PTGIS: variants seen among roughly 807,000 people sequenced by gnomAD.
The protein encoded by PTGIS is prostacyclin synthase.
A neutral mutation model predicts 50.3 loss-of-function variants in PTGIS; 45 were observed. The observed-to-expected ratio is 0.90, with a 90% CI of 0.70 to 1.15. The LOEUF is 1.15. PTGIS is among the 50% of genes most tolerant of loss of function. The pLI, the probability that PTGIS is intolerant of heterozygous loss-of-function variation, is 0.00. For missense variants in PTGIS, 668 were observed against 661.3 expected (o/e 1.01, Z -0.11); for synonymous variants, 260 against 267.7 (o/e 0.97, Z 0.28).
At chr20:49,552,856 GA>G (rs1845231766) in intron 1 of PTGIS, among the ~76,000 whole-genome samples, 1 of 151,694 alleles carries the variant, frequency 6.6e-6, no homozygotes, top group Admixed American at 6.6e-5. Context: ...TTTATAACAG[GA>G]GAAAAAAAGG....
intron 7 of PTGIS, among the ~76,000 whole-genome samples, chr20:49,514,006 T>G (rs1158627262): frequency 1.3e-5 from 2 of 152,182 alleles, no homozygotes; most frequent in African/African-American, 4.8e-5. Context: ...CAAAGTACCT[T>G]TTCACCTTAG....
At position 49,504,710 on chromosome 20, in the gene PTGIS, A is replaced by G. The variant is rs1981093177; in HGVS notation, c.*3210T>C. ...ACTCCGTCTCAAAAAAAAAAAAAAAAGTTTAAAAAGCGAGTCTGTTTAAAG... is the reference window on the plus strand; with the variant it reads ...ACTCCGTCTCAAAAAAAAAAAAAAAGGTTTAAAAAGCGAGTCTGTTTAAAG... On this transcript the variant is annotated 3_prime_UTR_variant, in exon 10 of 10. Transcript: ENST00000244043. The G allele has an allele frequency of 6.6e-6, 1 of 151,558 alleles. No individual in the cohort carries two copies. Among genetic ancestry groups the G allele is most frequent in the East Asian group, 1.9e-4 (1 of 5,196 alleles). 9.4% of individuals were successfully genotyped at this position (151,558 alleles called of 1,614,324 possible).
At chr20:49,513,016 T>C in intron 8 of PTGIS, 64 bp downstream of exon 8, 1 of 1,594,706 alleles carries the variant, frequency 6.3e-7, no homozygotes, top group South Asian at 1.1e-5. Flanking sequence ...CAGATCTGGC[T>C]CATCCCAAAG....
chr20:49,511,063 G>C lies in PTGIS; in HGVS notation c.1323C>G (p.Cys441Trp). The C allele has an allele frequency of 6.2e-7, 1 of 1,613,912 alleles. No homozygotes were observed. Among genetic ancestry groups the C allele is most frequent in the South Asian group, 1.1e-5 (1 of 91,072 alleles). The change falls in exon 9 of 10, where the codon TGC (cysteine) becomes TGG (tryptophan). Residue 441 changes from cysteine to tryptophan, a missense_variant. Coordinates refer to ENST00000244043, the MANE Select transcript of PTGIS (RefSeq NM_000961.4). The part of the protein sequence containing the change: ...NMPWGAGHNH[C>W]LGRSYAVNSI... ...TGTTGACCGCATAACTCCTCCCCAGGCAGTGATTGTGCCCCGCCCCCCAGG... is the reference window on the plus strand; with the variant it reads ...TGTTGACCGCATAACTCCTCCCCAGCCAGTGATTGTGCCCCGCCCCCCAGG...
intron 4 of PTGIS, among the ~76,000 whole-genome samples, chr20:49,543,763 A>G (rs943580573): frequency 3.9e-5 from 6 of 152,108 alleles, no homozygotes; most frequent in African/African-American, 1.4e-4. Flanking sequence ...GATCTCTGTC[A>G]TCGTGTTTAT....
chr20:49,551,511 A>G (rs1032298799), intron 1 of PTGIS, among the ~76,000 whole-genome samples: 2 of 152,174 alleles, frequency 1.3e-5, no homozygotes, highest in Non-Finnish European at 2.9e-5. Flanking sequence ...CACCCCCCAC[A>G]TCAAGTTGTC....
chr20:49,537,936 T>G (rs572340588), intron 5 of PTGIS, among the ~76,000 whole-genome samples: 47 of 152,240 alleles, frequency 3.1e-4, no homozygotes, highest in Admixed American at 7.2e-4. Context: ...ATTTCTTTAA[T>G]GAAATACTAT....
chr20:49,544,388 T>G lies in PTGIS; in HGVS notation c.438A>C (p.Ala146=). 6.2e-7 allele frequency: 1 copy of G among 1,614,048 alleles called. No homozygotes were observed. Among genetic ancestry groups the G allele is most frequent in the Middle Eastern group, 1.6e-4 (1 of 6,062 alleles). Residue 146 remains alanine, a synonymous_variant, in exon 4 of 10, where the codon GCA becomes GCC. Coordinates refer to ENST00000244043, the MANE Select transcript of PTGIS (RefSeq NM_000961.4). ...CTTCTGTAGCATCGCCCAACAGCAC[T>G]GCATGGAGGTTGGTATACATGGCTT... ...LTEAMYTNLH[A]VLLGDATEAG...
At position 49,536,606 on chromosome 20, in the gene PTGIS, G is replaced by A. The variant is rs187775348; in HGVS notation, c.673+2964C>T. ...AGCAATTCTCCTACCTCAGCTTCCC[G>A]GGTAGCTGAGATTACAGGCGCCCAC... On this transcript the variant is annotated intron_variant, in intron 5 of 9. Transcript: ENST00000244043. Among the ~76,000 whole-genome samples the A allele has an allele frequency of 4.5e-3, 676 of 150,498 alleles. 9 individuals are homozygous for A. The highest frequency in any genetic ancestry group is 0.016 in the African/African-American group (646 of 40,872).
chr20:49,548,371 G>T (rs1251924577), intron 2 of PTGIS, among the ~76,000 whole-genome samples: 1 of 152,184 alleles, frequency 6.6e-6, no homozygotes, highest in Non-Finnish European at 1.5e-5. Context: ...CTTGGTTATT[G>T]CCATATCTCC....
intron 5 of PTGIS, among the ~76,000 whole-genome samples, chr20:49,526,792 C>G (rs2122858570): frequency 6.6e-6 from 1 of 152,272 alleles, no homozygotes; most frequent in Non-Finnish European, 1.5e-5. Flanking sequence ...CATTCACAAC[C>G]ATGAGGATGG....
chr20:49,554,379 T>C (rs1982576988), intron 1 of PTGIS, among the ~76,000 whole-genome samples: 2 of 152,222 alleles, frequency 1.3e-5, no homozygotes, highest in African/African-American at 4.8e-5. Context: ...GGAAAGCTGA[T>C]ATAAAAAAAT....
intron 5 of PTGIS, among the ~76,000 whole-genome samples, chr20:49,526,587 T>C (rs534355029): frequency 6.6e-6 from 1 of 152,118 alleles, no homozygotes; most frequent in South Asian, 2.1e-4. Flanking sequence ...CTGATAAGGG[T>C]CTAACACCCA....
chr20:49,559,514 T>G (rs1341439034), intron 1 of PTGIS, among the ~76,000 whole-genome samples: 3 of 152,218 alleles, frequency 2.0e-5, no homozygotes, highest in African/African-American at 7.2e-5. Flanking sequence ...GACAGCAGCA[T>G]TATTCGTAAT....
intron 5 of PTGIS, among the ~76,000 whole-genome samples, chr20:49,537,158 C>T (rs1421993209): frequency 6.6e-6 from 1 of 152,186 alleles, no homozygotes; most frequent in Admixed American, 6.5e-5. Flanking sequence ...CCCTGGAGAC[C>T]TGGATTCCTA....
Position 49,524,069 on chromosome 20 carries a change from A to G in PTGIS, c.844T>C (p.Trp282Arg), listed in dbSNP as rs781169709. The change falls in exon 6 of 10, where the codon TGG becomes CGG. Residue 282 changes from tryptophan (W) to arginine (R), a missense_variant. By Grantham distance (101) the Trp-to-Arg change is moderately radical (BLOSUM62 -3). Transcript: ENST00000244043. ...MQARALVLQL[W>R]ATQGNMGPAA... ...ACATTCACACCCACCTGTGTGGCCCACAGCTGCAGCACCAGGGCCCGTGCC... is the reference window on the plus strand; with the variant it reads ...ACATTCACACCCACCTGTGTGGCCCGCAGCTGCAGCACCAGGGCCCGTGCC... The G allele has an allele frequency of 6.8e-6, 11 of 1,614,182 alleles. No individual in the cohort carries two copies. The highest frequency in any genetic ancestry group is 8.5e-6 in the Non-Finnish European group (10 of 1,180,036).
At chr20:49,544,853 G>C (rs1477346099) in intron 3 of PTGIS, among the ~76,000 whole-genome samples, 1 of 152,174 alleles carries the variant, frequency 6.6e-6, no homozygotes, top group African/African-American at 2.4e-5. Context: ...CACACAGCTT[G>C]GATAAGGGAC....
intron 5 of PTGIS, among the ~76,000 whole-genome samples, chr20:49,536,136 A>G (rs1412439024): frequency 2.0e-5 from 3 of 152,234 alleles, no homozygotes; most frequent in Non-Finnish European, 4.4e-5. Context: ...AGATGTGCAT[A>G]TTTGTCTCTA....
intron 5 of PTGIS, among the ~76,000 whole-genome samples, chr20:49,528,311 G>A (rs1981842236): frequency 6.6e-6 from 1 of 151,446 alleles, no homozygotes; most frequent in Admixed American, 6.6e-5. Flanking sequence ...AAAAAACACA[G>A]GATAAAAATA....
Sources: gnomAD v4.1 joint callset for allele counts (sites outside exome capture counted in the v4.1 genomes callset) on GRCh38, gnomAD v4.1.1 for gene constraint, MANE v1.5 for transcripts, NCBI Gene and HGNC (gene_info 2026-07-23, HGNC 2026-07-21) for gene names.